The following TMEM106B variants were observed in gnomAD, a reference collection of about 807,000 sequenced individuals.
TMEM106B encodes the protein transmembrane protein 106B.
Under a neutral mutation model 31.1 loss-of-function variants are expected in TMEM106B, and 15 were observed. That is an observed-to-expected ratio of 0.48 (90% confidence interval 0.32 to 0.74). TMEM106B has a LOEUF of 0.74. Among genes scored for constraint, TMEM106B ranks in the 30% least tolerant of loss-of-function variants. TMEM106B has a pLI of 0.03. For synonymous variants in TMEM106B, 126 were observed against 112.5 expected, an observed-to-expected ratio of 1.12 and a Z score of -0.76; for missense variants, 283 against 327.3, an observed-to-expected ratio of 0.86 and a Z score of 1.04.
intron 1 of TMEM106B, among the ~76,000 whole-genome samples, chr7:12,212,151 G>A (rs960628211): frequency 6.6e-6 from 1 of 152,204 alleles, no homozygotes; most frequent in Non-Finnish European, 1.5e-5. Context: ...GATCATGGCA[G>A]CTATTAGATT....
chr7:12,231,931 T>G lies in TMEM106B; in HGVS notation c.781T>G (p.Leu261Val). Residue 261 changes from leucine to valine, a missense_variant, in exon 8 of 8, where the codon TTG becomes GTG. This residue lies in a region of TMEM106B where 201 missense variants were observed against 211.5 expected (regional missense o/e 0.95). Coordinates refer to ENST00000396668, the MANE Select transcript of TMEM106B (RefSeq NM_001134232.2). ...VDCGRNTTYQ[L>V]GQSEYLNVLQ... Reference sequence around the variant, plus strand: ...CTGTGGAAGAAACACAACTTATCAGTTGGGGCAGTCTGAATATTTAAATGT... The same window carrying G: ...CTGTGGAAGAAACACAACTTATCAGGTGGGGCAGTCTGAATATTTAAATGT... 4.3e-6 allele frequency: 7 copies of G among 1,612,348 alleles called. No individual in the cohort carries two copies. The highest frequency in any genetic ancestry group is 5.9e-6 in the Non-Finnish European group (7 of 1,178,870).
chr7:12,216,644 G>GT (rs1293542201), intron 2 of TMEM106B, among the ~76,000 whole-genome samples: 3 of 152,146 alleles, frequency 2.0e-5, no homozygotes, highest in Non-Finnish European at 4.4e-5. Context: ...CTGAGACACT[G>GT]TAGCATATCA....
Position 12,239,723 on chromosome 7 carries a change from G to C in TMEM106B, c.*7748G>C, listed in dbSNP as rs920756098. 3 of 152,124 alleles carry C rather than the reference G, an allele frequency of 2.0e-5. No homozygotes were observed. Among genetic ancestry groups the C allele is most frequent in the Non-Finnish European group, 4.4e-5 (3 of 68,020 alleles). 9.4% of individuals were successfully genotyped at this position (152,124 alleles called of 1,614,324 possible). On this transcript the variant is annotated 3_prime_UTR_variant, in exon 8 of 8. Transcript: ENST00000396668. ...GGGATGTGGGAACAGCTGGTTAGGA[G>C]AGCAGTCCGAACACACACTTTTTTT...
rs547331627 is a variant in TMEM106B at position 12,235,838 on chromosome 7, G to T, written c.*3863G>T. ...AGGAATTGAATTACAAGTTACTAGG[G>T]TTATAAGCAAAAGGTTGCTTACCAT... On this transcript the variant is annotated 3_prime_UTR_variant, in exon 8 of 8. Transcript: ENST00000396668. 34 of 151,848 alleles carry T rather than the reference G, an allele frequency of 2.2e-4. No individual in the cohort carries two copies. Among genetic ancestry groups the T allele is most frequent in the South Asian group, 6.2e-4 (3 of 4,824 alleles). 9.4% of individuals were successfully genotyped at this position (151,848 alleles called of 1,614,324 possible).
rs1782258904 is a variant in TMEM106B at position 12,242,936 on chromosome 7, A to G, written c.*10961A>G. ...ATTTATTTATTGCCTATGTACCTATACTAGAACATAGTAAACATGAGAACA... is the reference window on the plus strand; with the variant it reads ...ATTTATTTATTGCCTATGTACCTATGCTAGAACATAGTAAACATGAGAACA... On this transcript the variant is annotated 3_prime_UTR_variant, in exon 8 of 8. Transcript: ENST00000396668. The G allele has an allele frequency of 6.6e-6, 1 of 152,130 alleles. No homozygotes were observed. 9.4% of individuals were successfully genotyped at this position (152,130 alleles called of 1,614,324 possible).
rs903297135 is a variant in TMEM106B, at chr7:12,236,471, A to G, written c.*4496A>G. ...TTCATAACTAAGTCTTAAGTCTTCT[A>G]AAAGGAAGCTGTTACCCTTCTGTTT... On this transcript the variant is annotated 3_prime_UTR_variant, in exon 8 of 8. Coordinates refer to ENST00000396668, the MANE Select transcript of TMEM106B (RefSeq NM_001134232.2). 1 of 152,008 alleles carries G rather than the reference A, an allele frequency of 6.6e-6. No homozygotes were observed. Among genetic ancestry groups the G allele is most frequent in the Non-Finnish European group, 1.5e-5 (1 of 67,902 alleles). The allele number at this position is 152,008 out of a possible 1,614,324, so 9.4% of individuals were successfully genotyped here. A position where few individuals can be genotyped will look rare whatever the true frequency, so the allele number is the denominator to read the frequency against.
intron 1 of TMEM106B, among the ~76,000 whole-genome samples, chr7:12,212,416 T>TA (rs1781599126): frequency 6.6e-6 from 1 of 150,794 alleles, no homozygotes; most frequent in South Asian, 2.1e-4. Flanking sequence ...TGACAGGTGT[T>TA]GATTAAGACA....
chr7:12,225,822 T>G (rs953409257), intron 4 of TMEM106B, among the ~76,000 whole-genome samples: 129 of 152,292 alleles, frequency 8.5e-4, no homozygotes, highest in African/African-American at 3.0e-3. Flanking sequence ...TTCCCTCTGA[T>G]GATAGTTTCT....
At chr7:12,218,934 C>A (rs1438611357) in intron 3 of TMEM106B, among the ~76,000 whole-genome samples, 1 of 152,106 alleles carries the variant, frequency 6.6e-6, no homozygotes, top group Non-Finnish European at 1.5e-5. Context: ...TACTAAGGAT[C>A]ATATGAGCCC....
At chr7:12,218,081 G>A (rs1046954253) in intron 2 of TMEM106B, among the ~76,000 whole-genome samples, 4 of 152,000 alleles carry the variant, frequency 2.6e-5, no homozygotes, top group African/African-American at 9.7e-5. Flanking sequence ...AGGAAAGGGC[G>A]ATACCAATAT....
At chr7:12,212,043 T>A (rs73678689) in intron 1 of TMEM106B, among the ~76,000 whole-genome samples, 231 of 152,208 alleles carry the variant, frequency 1.5e-3, no homozygotes, top group African/African-American at 5.2e-3. Flanking sequence ...TGGTTACACT[T>A]GTCAGTTCTC....
intron 1 of TMEM106B, among the ~76,000 whole-genome samples, chr7:12,211,929 G>A (rs1781586577): frequency 6.6e-6 from 1 of 152,156 alleles, no homozygotes; most frequent in Admixed American, 6.5e-5. Flanking sequence ...TTGACTTTCA[G>A]TAAACTAAGG....
chr7:12,212,708 C>T (rs552785428), intron 1 of TMEM106B, among the ~76,000 whole-genome samples: 1 of 152,124 alleles, frequency 6.6e-6, no homozygotes, highest in Non-Finnish European at 1.5e-5. Flanking sequence ...AGTCAGAGCC[C>T]TTAGTGCATC....
chr7:12,211,460 C>T (rs895381898), intron 1 of TMEM106B, 35 bp downstream of exon 1: 1 of 152,532 alleles, frequency 6.6e-6, no homozygotes, highest in Non-Finnish European at 1.5e-5. Flanking sequence ...CCCAGGTCCC[C>T]TTCCGGAGCG....
chr7:12,241,428 T>C lies in TMEM106B; in HGVS notation c.*9453T>C, dbSNP rs908611924. On this transcript the variant is annotated 3_prime_UTR_variant, in exon 8 of 8. Transcript: ENST00000396668. Reference sequence around the variant, plus strand: ...CCCCCTACCCCACAAAAGGCCCCAGTGTGTGATGTTCCCCTCCCTGTGTCC... The same window carrying C: ...CCCCCTACCCCACAAAAGGCCCCAGCGTGTGATGTTCCCCTCCCTGTGTCC... 4 of 151,722 alleles carry C rather than the reference T, an allele frequency of 2.6e-5. No individual in the cohort carries two copies. The highest frequency in any genetic ancestry group is 5.9e-5 in the Non-Finnish European group (4 of 67,948). The allele number at this position is 151,722 out of a possible 1,614,324, so 9.4% of individuals were successfully genotyped here.
rs886319946 is a variant in TMEM106B, at chr7:12,224,254, G to A, written c.310G>A (p.Val104Ile). Residue 104 changes from valine (V) to isoleucine (I), a missense_variant, in exon 4 of 8, where the codon GTC becomes ATC. By Grantham distance (29) the Val-to-Ile change is conservative. Around this residue, in one of 3 missense-constraint regions of TMEM106B, gnomAD observed 201 missense variants for 211.5 expected, o/e 0.95. Coordinates refer to ENST00000396668, the MANE Select transcript of TMEM106B (RefSeq NM_001134232.2). The stretch of plus-strand genomic sequence containing the variant: ...GCTGTATGTGATGGCTTCTGTGTTT[G>A]TCTGTCTACTCCTTTCTGGATTGGC... ...TKLYVMASVF[V>I]CLLLSGLAVF... 1.2e-6 allele frequency: 2 copies of A among 1,613,670 alleles called. No individual in the cohort carries two copies. The highest frequency in any genetic ancestry group is 1.7e-5 in the Admixed American group (1 of 60,006).
At chr7:12,220,116 G>A (rs1781759599) in intron 3 of TMEM106B, among the ~76,000 whole-genome samples, 1 of 152,146 alleles carries the variant, frequency 6.6e-6, no homozygotes, top group Non-Finnish European at 1.5e-5. Flanking sequence ...ATAAGCAATG[G>A]TGTGACATAT....
At chr7:12,222,503 C>G (rs1166506134) in intron 3 of TMEM106B, among the ~76,000 whole-genome samples, 1 of 152,112 alleles carries the variant, frequency 6.6e-6, no homozygotes, top group East Asian at 1.9e-4. Context: ...GATGGATTCA[C>G]CCGCCCATAA....
At chr7:12,222,212 A>G (rs1222640029) in intron 3 of TMEM106B, among the ~76,000 whole-genome samples, 1 of 152,212 alleles carries the variant, frequency 6.6e-6, no homozygotes. Flanking sequence ...CACAACTTTC[A>G]TAACTTCATT....
Sources: gnomAD v4.1 joint callset for allele counts (sites outside exome capture counted in the v4.1 genomes callset) on GRCh38, gnomAD v4.1.1 for gene constraint, gnomAD v4.1.1 regional missense constraint, MANE v1.5 for transcripts, NCBI Gene and HGNC (gene_info 2026-07-23, HGNC 2026-07-21) for gene names.